Variants in GUCY1A2 observed in about 807,000 individuals in gnomAD.
GUCY1A2 encodes the protein guanylate cyclase soluble subunit alpha-2.
Under a neutral mutation model 63.5 loss-of-function variants are expected in GUCY1A2, and 27 were observed. The observed-to-expected ratio is 0.43, with a 90% CI of 0.31 to 0.59. The LOEUF (loss-of-function observed/expected upper bound fraction) is 0.59. GUCY1A2 is among the 20% of genes least tolerant of loss of function. GUCY1A2 has a pLI of 0.11. For missense variants in GUCY1A2, 768 were observed against 913.3 expected, an observed-to-expected ratio of 0.84 and a Z score of 2.05; for synonymous variants, 364 against 343.5, an observed-to-expected ratio of 1.06 and a Z score of -0.66.
At chr11:106,933,615 A>C (rs912972966) in intron 4 of GUCY1A2, among the ~76,000 whole-genome samples, 6 of 152,190 alleles carry the variant, frequency 3.9e-5, no homozygotes, top group African/African-American at 1.4e-4. Context: ...AAAGAAAATA[A>C]ATCATTCTAC....
chr11:106,714,355 G>A lies in GUCY1A2; in HGVS notation c.1837-5689C>T, dbSNP rs117112733. On this transcript the variant is annotated intron_variant, in intron 6 of 7. Coordinates refer to ENST00000526355, the MANE Select transcript of GUCY1A2 (RefSeq NM_000855.3). ...CAGGACTCAGAGAATTATTTAGTTT[G>A]GGAAGTAAGGCGATACCACTGGAAA... Among the ~76,000 whole-genome samples, 273 of 152,236 alleles carry A rather than the reference G, an allele frequency of 1.8e-3. 1 individual carries two copies. Among genetic ancestry groups the A allele is most frequent in the Admixed American group, 4.7e-3 (72 of 15,298 alleles).
At chr11:106,824,973 A>C (rs1858947978) in intron 4 of GUCY1A2, 8 of 1,612,046 alleles carry the variant, frequency 5.0e-6, no homozygotes, top group Non-Finnish European at 5.9e-6. Flanking sequence ...ATGTTACTAA[A>C]TTTTCTAATT....
In GUCY1A2 at chr11:106,927,267, G is replaced by A. The variant is rs557170506; in HGVS notation, c.1206+12193C>T. ...GGGCGCCTGTAGTCCCAGCTACTCG[G>A]GAGGTTGAGGCAGGAGAATGGCACG... On this transcript the variant is annotated intron_variant, in intron 4 of 7. Coordinates refer to ENST00000526355, the MANE Select transcript of GUCY1A2 (RefSeq NM_000855.3). 2.4e-3 allele frequency among the ~76,000 whole-genome samples: 366 copies of A among 151,584 alleles called. 1 individual carries two copies. The highest frequency in any genetic ancestry group is 8.3e-3 in the African/African-American group (346 of 41,442).
At chr11:106,768,056 A>T (rs954102138) in intron 6 of GUCY1A2, among the ~76,000 whole-genome samples, 1 of 152,190 alleles carries the variant, frequency 6.6e-6, no homozygotes, top group East Asian at 1.9e-4. Flanking sequence ...TGACTAATAC[A>T]TCCCCCACCC....
At chr11:106,967,192 A>G (rs751209509) in intron 3 of GUCY1A2, among the ~76,000 whole-genome samples, 2 of 152,130 alleles carry the variant, frequency 1.3e-5, no homozygotes, top group Non-Finnish European at 2.9e-5. Flanking sequence ...AAATCCCTTG[A>G]TATCTTCTTC....
At position 106,680,718 on chromosome 11, in the gene GUCY1A2, C is replaced by T. The variant is rs1264564041; in HGVS notation, c.*6831G>A. 1.5e-5 allele frequency: 3 copies of T among 205,522 alleles called. No homozygotes were observed. Among genetic ancestry groups the T allele is most frequent in the Non-Finnish European group, 3.0e-5 (3 of 100,466 alleles). 12.7% of individuals were successfully genotyped at this position (205,522 alleles called of 1,614,324 possible). A position where few individuals can be genotyped will look rare whatever the true frequency, so the allele number is the denominator to read the frequency against. ...GGTTTGATTTTGATAGGGAAATTTT[C>T]CAAACTGTGGGCAGGAGAATGCTAA... On this transcript the variant is annotated 3_prime_UTR_variant, in exon 8 of 8. Coordinates refer to ENST00000526355, the MANE Select transcript of GUCY1A2 (RefSeq NM_000855.3).
intron 1 of GUCY1A2, among the ~76,000 whole-genome samples, chr11:107,006,027 T>C (rs1181460571): frequency 1.3e-5 from 2 of 152,222 alleles, no homozygotes; most frequent in Non-Finnish European, 2.9e-5. Flanking sequence ...CCAAATACTG[T>C]GCTAGGCATT....
intron 4 of GUCY1A2, among the ~76,000 whole-genome samples, chr11:106,843,476 G>A (rs1429196547): frequency 6.6e-6 from 1 of 151,886 alleles, no homozygotes; most frequent in East Asian, 1.9e-4. Context: ...TACCTGTAGA[G>A]ACGTATTAGA....
intron 6 of GUCY1A2, among the ~76,000 whole-genome samples, chr11:106,760,164 C>A (rs1263432428): frequency 6.6e-6 from 1 of 152,120 alleles, no homozygotes; most frequent in Non-Finnish European, 1.5e-5. Context: ...CAACAAATTT[C>A]TGTTGTTCTA....
At chr11:106,783,428 C>G (rs1864499905) in intron 5 of GUCY1A2, among the ~76,000 whole-genome samples, 1 of 152,002 alleles carries the variant, frequency 6.6e-6, no homozygotes, top group Admixed American at 6.6e-5. Flanking sequence ...ACCAGAACAG[C>G]CTGAGTATCT....
chr11:106,940,986 G>A (rs1345139657), intron 3 of GUCY1A2, among the ~76,000 whole-genome samples: 3 of 152,152 alleles, frequency 2.0e-5, no homozygotes, highest in African/African-American at 7.2e-5. Context: ...GCACATGAAT[G>A]GGGATAGGCA....
At chr11:107,011,269 T>C (rs1861740376) in intron 1 of GUCY1A2, among the ~76,000 whole-genome samples, 1 of 152,024 alleles carries the variant, frequency 6.6e-6, no homozygotes, top group South Asian at 2.1e-4. Context: ...TGATCAACAA[T>C]GTATGTGTCA....
At chr11:106,986,308 C>A (rs1458671748) in intron 1 of GUCY1A2, among the ~76,000 whole-genome samples, 177 bp from the exon 2 acceptor site, 2 of 152,170 alleles carry the variant, frequency 1.3e-5, no homozygotes, top group Non-Finnish European at 2.9e-5. Flanking sequence ...TAATATGAGG[C>A]ACTCGGCAAT....
intron 5 of GUCY1A2, among the ~76,000 whole-genome samples, chr11:106,800,331 G>A (rs944113376): frequency 1.1e-3 from 168 of 152,236 alleles, no homozygotes; most frequent in African/African-American, 3.7e-3. Flanking sequence ...ACAGTGTGGC[G>A]ATTCCTCAAG....
chr11:106,683,783 G>A lies in GUCY1A2; in HGVS notation c.*3766C>T, dbSNP rs1475301136. 1 of 217,070 alleles carries A rather than the reference G, an allele frequency of 4.6e-6. No homozygotes were observed. 13.4% of individuals were successfully genotyped at this position (217,070 alleles called of 1,614,324 possible). On this transcript the variant is annotated 3_prime_UTR_variant, in exon 8 of 8. Coordinates refer to ENST00000526355, the MANE Select transcript of GUCY1A2 (RefSeq NM_000855.3). ...CATCCACAACACCTGCTCTCAGAAAGTCAGGGACCCAAGGAGCCTTCAACA... is the reference window on the plus strand; with the variant it reads ...CATCCACAACACCTGCTCTCAGAAAATCAGGGACCCAAGGAGCCTTCAACA...
At chr11:106,805,437 C>T (rs889958724) in intron 5 of GUCY1A2, among the ~76,000 whole-genome samples, 20 of 151,718 alleles carry the variant, frequency 1.3e-4, no homozygotes, top group Admixed American at 4.6e-4. Context: ...GTAGAGACAG[C>T]GTTTCACCAG....
intron 4 of GUCY1A2, among the ~76,000 whole-genome samples, chr11:106,866,384 C>T (rs1178725913): frequency 2.0e-5 from 3 of 152,002 alleles, no homozygotes; most frequent in Non-Finnish European, 2.9e-5. Flanking sequence ...GCATATTTGT[C>T]ATTTAATGAC....
intron 4 of GUCY1A2, among the ~76,000 whole-genome samples, chr11:106,905,267 T>C (rs962694914): frequency 1.3e-5 from 2 of 152,134 alleles, no homozygotes; most frequent in African/African-American, 4.8e-5. Flanking sequence ...TTAATTAATA[T>C]GACAATCACT....
intron 6 of GUCY1A2, among the ~76,000 whole-genome samples, chr11:106,718,736 A>G (rs539231568): frequency 1.7e-3 from 252 of 152,260 alleles, no homozygotes; most frequent in South Asian, 2.9e-3. Flanking sequence ...TAGCGGTTGA[A>G]AAAAAAGATC....
Sources: gnomAD v4.1 joint callset for allele counts (sites outside exome capture counted in the v4.1 genomes callset) on GRCh38, gnomAD v4.1.1 for gene constraint, MANE v1.5 for transcripts, NCBI Gene and HGNC (gene_info 2026-07-23, HGNC 2026-07-21) for gene names.